DNM3: variants seen among roughly 807,000 people sequenced by gnomAD.
The protein encoded by DNM3 is dynamin 3.
In DNM3, 47 loss-of-function variants were observed where a neutral mutation model predicts 101.6. The observed-to-expected ratio is 0.46, with a 90% CI of 0.37 to 0.59. DNM3 has a LOEUF of 0.59. Ranked by LOEUF, DNM3 falls within the 20% of genes least tolerant of loss-of-function variation. The probability of loss-of-function intolerance (pLI) is 0.00; values close to 1 mark genes in which losing one functional copy is unlikely to be tolerated. For synonymous variants in DNM3, 385 were observed against 387.9 expected (o/e 0.99, Z 0.09); for missense variants, 849 against 1,085.7 (o/e 0.78, Z 3.06).
At chr1:171,844,873 G>A (rs568878916) in intron 1 of DNM3, among the ~76,000 whole-genome samples, 16 of 152,236 alleles carry the variant, frequency 1.1e-4, no homozygotes, top group South Asian at 2.1e-4. Context: ...TTCATTATAC[G>A]TATACATATA....
chr1:172,203,373 C>T (rs1028118883), intron 14 of DNM3, among the ~76,000 whole-genome samples: 2 of 152,164 alleles, frequency 1.3e-5, no homozygotes, highest in Admixed American at 1.3e-4. Context: ...GAAGCATAAA[C>T]ATTGTGCTGA....
At chr1:172,249,577 A>C (rs900798349) in intron 14 of DNM3, among the ~76,000 whole-genome samples, 4 of 152,138 alleles carry the variant, frequency 2.6e-5, no homozygotes, top group African/African-American at 9.7e-5. Flanking sequence ...GAAAGATACT[A>C]TATTTAAATA....
At chr1:172,387,636 T>C (rs1316455929) in intron 19 of DNM3, among the ~76,000 whole-genome samples, 2 of 150,388 alleles carry the variant, frequency 1.3e-5, no homozygotes, top group African/African-American at 2.4e-5. Context: ...CCAGCCTGGG[T>C]GACAGAGCAA....
intron 11 of DNM3, among the ~76,000 whole-genome samples, chr1:172,078,720 A>AT (rs929141634): frequency 6.6e-5 from 10 of 151,686 alleles, no homozygotes; most frequent in South Asian, 4.2e-4. Flanking sequence ...TATAGTGTCG[A>AT]TTTTTTTTAC....
At chr1:172,347,045 G>A (rs2066974773) in intron 17 of DNM3, among the ~76,000 whole-genome samples, 1 of 152,170 alleles carries the variant, frequency 6.6e-6, no homozygotes, top group Non-Finnish European at 1.5e-5. Context: ...GATGGGTGGT[G>A]ATCTGCCTTT....
At chr1:172,029,813 C>T (rs2048474216) in intron 4 of DNM3, among the ~76,000 whole-genome samples, 1 of 152,050 alleles carries the variant, frequency 6.6e-6, no homozygotes, top group Non-Finnish European at 1.5e-5. Flanking sequence ...ATGATTGCTA[C>T]AAAGAGAATA....
intron 7 of DNM3, among the ~76,000 whole-genome samples, 187 bp downstream of exon 7, chr1:172,038,648 A>G (rs1302709092): frequency 1.3e-5 from 2 of 152,144 alleles, no homozygotes; most frequent in Non-Finnish European, 2.9e-5. Context: ...TTATTCTGTT[A>G]TTATCAACTT....
intron 17 of DNM3, among the ~76,000 whole-genome samples, chr1:172,333,730 T>C (rs2066294238): frequency 6.6e-6 from 1 of 152,156 alleles, no homozygotes; most frequent in South Asian, 2.1e-4. Context: ...TCAGAAAATA[T>C]ATTCAGTTGC....
intron 10 of DNM3, among the ~76,000 whole-genome samples, chr1:172,058,955 A>C (rs1009237054): frequency 6.6e-6 from 1 of 152,224 alleles, no homozygotes; most frequent in African/African-American, 2.4e-5. Flanking sequence ...TAGCAAGACT[A>C]ATAAAGGAGA....
chr1:172,354,947 C>T (rs1260670608), intron 17 of DNM3, among the ~76,000 whole-genome samples: 3 of 152,070 alleles, frequency 2.0e-5, no homozygotes, highest in South Asian at 2.1e-4. Context: ...ATCCGCTTGC[C>T]GTTAAAAGGA....
At chr1:172,084,994 G>T (rs1415051118) in intron 12 of DNM3, among the ~76,000 whole-genome samples, 1 of 151,990 alleles carries the variant, frequency 6.6e-6, no homozygotes, top group Non-Finnish European at 1.5e-5. Flanking sequence ...TTCTGTTATA[G>T]AATTTATACT....
intron 2 of DNM3, among the ~76,000 whole-genome samples, chr1:171,967,134 G>A (rs2043645409): frequency 1.3e-5 from 2 of 152,006 alleles, no homozygotes; most frequent in African/African-American, 2.4e-5. Context: ...ATCTATTTTG[G>A]TCTCTCAGAT....
Position 172,041,960 on chromosome 1 carries a change from C to G in DNM3, c.993-49C>G, listed in dbSNP as rs1464038265. 3.3e-6 allele frequency: 5 copies of G among 1,532,590 alleles called. No individual in the cohort carries two copies. The East Asian group carries it at 6.8e-5, about 21-fold the overall frequency. 94.9% of individuals were successfully genotyped at this position (1,532,590 alleles called of 1,614,324 possible). The stretch of plus-strand genomic sequence containing the variant: ...TCATAGGAAAAGAAAATGAAGAGTG[C>G]AAAGGCTTGTAACTTTGACTTGAAT... On this transcript the variant is annotated intron_variant, in intron 7 of 20. Transcript: ENST00000627582.
intron 14 of DNM3, among the ~76,000 whole-genome samples, chr1:172,190,132 G>A (rs951145434): frequency 1.3e-5 from 2 of 151,234 alleles, no homozygotes; most frequent in Non-Finnish European, 2.9e-5. Context: ...TTTAAATTAG[G>A]TATATCTCCT....
intron 11 of DNM3, among the ~76,000 whole-genome samples, chr1:172,071,055 A>G (rs2052124106): frequency 7.5e-6 from 1 of 133,732 alleles, no homozygotes. Context: ...ATGCCACTGC[A>G]CTCCAGCCTG....
intron 14 of DNM3, among the ~76,000 whole-genome samples, chr1:172,166,736 A>AT (rs11407187): frequency 0.55 from 83,058 of 151,674 alleles, 24,037 homozygotes; most frequent in African/African-American, 0.73. Flanking sequence ...TTTTAATCTC[A>AT]TTTTTTTATC....
intron 15 of DNM3, among the ~76,000 whole-genome samples, chr1:172,258,966 A>G (rs1352998832): frequency 6.6e-6 from 1 of 151,838 alleles, no homozygotes; most frequent in Non-Finnish European, 1.5e-5. Context: ...GTTTTTTTCA[A>G]GAAATTTTTA....
intron 2 of DNM3, among the ~76,000 whole-genome samples, chr1:171,970,571 T>C (rs962666417): frequency 6.6e-6 from 1 of 152,248 alleles, no homozygotes; most frequent in East Asian, 1.9e-4. Flanking sequence ...TTTGCTAAGA[T>C]ATATAATTAT....
At chr1:172,388,471 C>T in intron 19 of DNM3, 102 bp from the exon 20 acceptor site, 2 of 1,053,434 alleles carry the variant, frequency 1.9e-6, no homozygotes, top group Non-Finnish European at 2.8e-6. Context: ...CTTATTCAGT[C>T]AAAAAATAAT....
Sources: gnomAD v4.1 joint callset for allele counts (sites outside exome capture counted in the v4.1 genomes callset) on GRCh38, gnomAD v4.1.1 for gene constraint, MANE v1.5 for transcripts, NCBI Gene and HGNC (gene_info 2026-07-23, HGNC 2026-07-21) for gene names.